The following PKHD1 variants were observed in gnomAD, a reference collection of about 807,000 sequenced individuals.
PKHD1 encodes PKHD1 ciliary IPT domain containing fibrocystin/polyductin, also known as fibrocystin.
PKHD1 carries 291 observed loss-of-function variants against 412.0 expected under a neutral mutation model. The observed-to-expected ratio is 0.71, with a 90% CI of 0.64 to 0.78. The LOEUF is 0.78. Ranked by LOEUF, PKHD1 falls within the 30% of genes least tolerant of loss-of-function variation. PKHD1 has a pLI of 0.00. For synonymous variants in PKHD1, 1,777 were observed against 1,821.5 expected (o/e 0.98, Z 0.62); for missense variants, 4,825 against 4,950.7 (o/e 0.97, Z 0.76).
At chr6:51,636,283 C>G (rs1768555186) in intron 64 of PKHD1, among the ~76,000 whole-genome samples, 1 of 152,100 alleles carries the variant, frequency 6.6e-6, no homozygotes, top group Non-Finnish European at 1.5e-5. Flanking sequence ...AATGAAACAA[C>G]AGACCAGGCA....
intron 53 of PKHD1, among the ~76,000 whole-genome samples, chr6:51,787,186 C>T (rs959682385): frequency 3.3e-5 from 5 of 152,090 alleles, no homozygotes; most frequent in Admixed American, 6.5e-5. Flanking sequence ...TGGTGAAACC[C>T]TGTCTCTAAT....
intron 61 of PKHD1, among the ~76,000 whole-genome samples, chr6:51,654,589 A>T (rs1215255963): frequency 6.6e-6 from 1 of 152,004 alleles, no homozygotes; most frequent in African/African-American, 2.4e-5. Flanking sequence ...CTGGATGTGG[A>T]TATGTCAACA....
chr6:51,808,151 C>T (rs1420893536), intron 52 of PKHD1, among the ~76,000 whole-genome samples: 1 of 152,010 alleles, frequency 6.6e-6, no homozygotes, highest in Admixed American at 6.6e-5. Flanking sequence ...GGAATAATTA[C>T]ATGGAATAAT....
chr6:52,068,675 CT>C (rs1810120329), intron 11 of PKHD1, among the ~76,000 whole-genome samples: 1 of 152,194 alleles, frequency 6.6e-6, no homozygotes, highest in African/African-American at 2.4e-5. Context: ...GACATTCTTT[CT>C]ATAGCAGCTA....
chr6:51,693,123 C>CA lies in PKHD1; in HGVS notation c.10157-33155dup, dbSNP rs1201158134. On this transcript the variant is annotated intron_variant, in intron 60 of 66. Transcript: ENST00000371117. ...TATTTGTCAACACATATGTCCCCTGCACAAGTGCACATTCATACACACACA... is the reference window on the plus strand; with the variant it reads ...TATTTGTCAACACATATGTCCCCTGCAACAAGTGCACATTCATACACACACA... 4.6e-5 allele frequency among the ~76,000 whole-genome samples: 7 copies of CA among 152,280 alleles called. No individual in the cohort carries two copies. The East Asian group carries it at 1.4e-3, about 29-fold the overall frequency.
intron 36 of PKHD1, among the ~76,000 whole-genome samples, chr6:51,959,444 T>C (rs1791656713): frequency 1.3e-5 from 2 of 152,100 alleles, no homozygotes; most frequent in South Asian, 4.1e-4. Flanking sequence ...TGACTTTCCA[T>C]GGGACCAAGA....
chr6:51,909,509 C>A lies in PKHD1; in HGVS notation c.6491-35G>T, dbSNP rs1334197566. 19 of 1,509,308 alleles carry A rather than the reference C, an allele frequency of 1.3e-5. No homozygotes were observed. In the East Asian group the frequency reaches 4.3e-4, roughly 34 times the overall value. 93.5% of individuals were successfully genotyped at this position (1,509,308 alleles called of 1,614,324 possible). A position where few individuals can be genotyped will look rare whatever the true frequency, so the allele number is the denominator to read the frequency against. On this transcript the variant is annotated intron_variant, in intron 39 of 66. Transcript: ENST00000371117. ...AAAATAAAGTCCAGAGAACCTAAAG[C>A]ATGTAGAACATGCTTCCAGACAAAT...
intron 52 of PKHD1, among the ~76,000 whole-genome samples, chr6:51,798,592 T>C (rs1794951003): frequency 1.3e-5 from 2 of 152,080 alleles, no homozygotes; most frequent in African/African-American, 4.8e-5. Flanking sequence ...ATTTGATGAG[T>C]ATGTGTCTAC....
At chr6:51,791,424 G>A (rs573467260) in intron 52 of PKHD1, 51 bp from the exon 53 acceptor site, 25 of 1,575,914 alleles carry the variant, frequency 1.6e-5, no homozygotes, top group Middle Eastern at 1.7e-4. Context: ...CAAGAATTAC[G>A]TGTTTATTCT....
At chr6:51,781,367 A>G (rs547573990) in intron 53 of PKHD1, among the ~76,000 whole-genome samples, 1 of 152,284 alleles carries the variant, frequency 6.6e-6, no homozygotes, top group East Asian at 1.9e-4. Flanking sequence ...TCAAATTATA[A>G]TGTCCAACCC....
intron 55 of PKHD1, among the ~76,000 whole-genome samples, chr6:51,762,746 G>T (rs1047958591): frequency 6.6e-6 from 1 of 151,496 alleles, no homozygotes; most frequent in African/African-American, 2.4e-5. Context: ...ATATTAGAAA[G>T]ACAAAGACTT....
intron 36 of PKHD1, among the ~76,000 whole-genome samples, chr6:51,954,864 T>G (rs1431980594): frequency 2.0e-5 from 3 of 152,032 alleles, no homozygotes; most frequent in African/African-American, 7.2e-5. Context: ...TCAAGCTGCT[T>G]GATGACCAGA....
intron 29 of PKHD1, among the ~76,000 whole-genome samples, chr6:52,029,620 G>A (rs965556563): frequency 5.3e-5 from 8 of 152,210 alleles, no homozygotes; most frequent in Non-Finnish European, 1.2e-4. Context: ...ATAGAGAAAA[G>A]GGGGCTTATC....
intron 52 of PKHD1, among the ~76,000 whole-genome samples, chr6:51,807,485 A>ATGTGTGTG (rs567506746): frequency 0.011 from 1,271 of 111,620 alleles, 25 homozygotes; most frequent in Middle Eastern, 0.021. Context: ...ATATATGTAT[A>ATGTGTGTG]TGTGTGTGTG....
chr6:51,971,818 C>A (rs1409461187), intron 35 of PKHD1, among the ~76,000 whole-genome samples: 1 of 152,000 alleles, frequency 6.6e-6, no homozygotes, highest in Admixed American at 6.6e-5. Flanking sequence ...GCAGACTCGA[C>A]CTCCTGGGAT....
chr6:51,796,490 A>T (rs945699752), intron 52 of PKHD1, among the ~76,000 whole-genome samples: 6 of 149,212 alleles, frequency 4.0e-5, no homozygotes, highest in Admixed American at 4.0e-4. Flanking sequence ...TCATGTCTCT[A>T]TGTCCTTCAG....
At chr6:51,949,221 A>T (rs1039766210) in intron 36 of PKHD1, among the ~76,000 whole-genome samples, 1 of 152,116 alleles carries the variant, frequency 6.6e-6, no homozygotes, top group African/African-American at 2.4e-5. Flanking sequence ...ATTTTTTCTT[A>T]AAAAATTTAG....
At chr6:51,943,646 T>A (rs1283450392) in intron 36 of PKHD1, among the ~76,000 whole-genome samples, 1 of 151,680 alleles carries the variant, frequency 6.6e-6, no homozygotes, top group Non-Finnish European at 1.5e-5. Flanking sequence ...TTAGATGTCC[T>A]GGATCCTCCC....
intron 60 of PKHD1, among the ~76,000 whole-genome samples, chr6:51,685,503 A>AT (rs1053908284): frequency 1.3e-5 from 2 of 152,050 alleles, no homozygotes; most frequent in Admixed American, 6.6e-5. Flanking sequence ...GTTAAAAAAA[A>AT]TTTTTTTAAA....
Sources: gnomAD v4.1 joint callset for allele counts (sites outside exome capture counted in the v4.1 genomes callset) on GRCh38, gnomAD v4.1.1 for gene constraint, MANE v1.5 for transcripts, NCBI Gene and HGNC (gene_info 2026-07-23, HGNC 2026-07-21) for gene names.